UBA6: variants seen among roughly 807,000 people sequenced by gnomAD.
UBA6 encodes the protein ubiquitin like modifier activating enzyme 6.
UBA6 carries 87 observed loss-of-function variants against 148.3 expected under a neutral mutation model. The ratio of observed to expected loss-of-function variants is 0.59; its 90% CI spans 0.49 to 0.70. The LOEUF (loss-of-function observed/expected upper bound fraction) is 0.70. Ranked by LOEUF, UBA6 falls within the 30% of genes least tolerant of loss-of-function variation. The pLI is 0.00. For missense variants in UBA6, 1,186 were observed against 1,241.2 expected (o/e 0.96, Z 0.67); for synonymous variants, 376 against 401.0 (o/e 0.94, Z 0.75).
intron 30 of UBA6, 56 bp downstream of exon 30, chr4:67,624,070 G>C: frequency 7.1e-7 from 1 of 1,408,828 alleles, no homozygotes. Flanking sequence ...CCTTTTAAAA[G>C]GTAAAATATT....
At position 67,665,173 on chromosome 4, in the gene UBA6, A is replaced by G. The variant is rs866535541; in HGVS notation, c.897+16T>C. ...CTGTAAAAAAATGTTTTTTAAGCCGAAAAAAAAATACTTACAAAAAAAACT... is the reference window on the plus strand; with the variant it reads ...CTGTAAAAAAATGTTTTTTAAGCCGGAAAAAAAATACTTACAAAAAAAACT... On this transcript the variant is annotated intron_variant, in intron 10 of 32. Coordinates refer to ENST00000322244, the MANE Select transcript of UBA6 (RefSeq NM_018227.6). The G allele has an allele frequency of 2.7e-5, 38 of 1,392,138 alleles. No homozygotes were observed. The highest frequency in any genetic ancestry group is 3.8e-4 in the Middle Eastern group (2 of 5,240). The allele number at this position is 1,392,138 out of a possible 1,614,324, so 86.2% of individuals were successfully genotyped here.
At chr4:67,648,020 G>T (rs1459934202) in intron 14 of UBA6, among the ~76,000 whole-genome samples, 1 of 150,666 alleles carries the variant, frequency 6.6e-6, no homozygotes, top group Non-Finnish European at 1.5e-5. Context: ...TGATCTGCCC[G>T]CCTCGGCTGC....
chr4:67,684,709 G>A (rs1730517443), intron 2 of UBA6, among the ~76,000 whole-genome samples: 1 of 152,052 alleles, frequency 6.6e-6, no homozygotes, highest in Non-Finnish European at 1.5e-5. Flanking sequence ...TTTTTTGTCT[G>A]CTTGTTTTCT....
intron 23 of UBA6, among the ~76,000 whole-genome samples, chr4:67,632,295 T>C (rs1386246214): frequency 7.9e-6 from 1 of 127,308 alleles, no homozygotes; most frequent in Non-Finnish European, 1.8e-5. Context: ...CTTTGTATTT[T>C]TGAAATTGAT....
intron 28 of UBA6, among the ~76,000 whole-genome samples, chr4:67,625,920 T>C (rs1271596907): frequency 6.6e-6 from 1 of 151,962 alleles, no homozygotes; most frequent in Non-Finnish European, 1.5e-5. Context: ...TGAACCTAAT[T>C]ACTAAAGACT....
rs1729413298 is a variant in UBA6, at chr4:67,645,973, A to G, written c.1360T>C (p.Leu454=). The G allele has an allele frequency of 6.2e-7, 1 of 1,600,792 alleles. No individual in the cohort carries two copies. The highest frequency in any genetic ancestry group is 1.7e-5 in the Admixed American group (1 of 58,852). ...DALRACIGDT[L]CQKLQNLNIF... ...TTTAAATTTTGCAGTTTCTGACACA[A>G]AGTGTCTCCAATGCAAGCTCTTAAG... Residue 454 remains leucine (L), a synonymous_variant, in exon 16 of 33, where the codon TTG becomes CTG. Transcript: ENST00000322244.
chr4:67,698,983 C>CA (rs1169315538), intron 1 of UBA6, among the ~76,000 whole-genome samples: 2 of 151,622 alleles, frequency 1.3e-5, no homozygotes, highest in African/African-American at 2.4e-5. Context: ...CAAAACAAAA[C>CA]AAAAAAACCC....
chr4:67,684,206 A>C lies in UBA6; in HGVS notation c.135-1993T>G, dbSNP rs576892656. Among the ~76,000 whole-genome samples the C allele has an allele frequency of 1.4e-4, 21 of 152,326 alleles. No individual in the cohort carries two copies. In the South Asian group the frequency reaches 2.3e-3, roughly 17 times the overall value. The stretch of plus-strand genomic sequence containing the variant: ...TGGCTGTGCAGGCTTGGTCTTTAGA[A>C]GGGCATGCTTACAGGGCTGGCCCTT... On this transcript the variant is annotated intron_variant, in intron 2 of 32. Coordinates refer to ENST00000322244, the MANE Select transcript of UBA6 (RefSeq NM_018227.6).
chr4:67,622,896 C>T lies in UBA6; in HGVS notation c.2958G>A (p.Val986=). Residue 986 remains valine, a synonymous_variant, in exon 32 of 33, where the codon GTG becomes GTA. Transcript: ENST00000322244. ...KEKYGIEPTM[V]VQGVKMLYVP... ...CATAAAGCATTTTGACTCCCTGTAC[C>T]ACCATTGTTGGCTCAATTCCATACT... is the stretch of plus-strand genomic sequence containing the variant. The T allele has an allele frequency of 1.2e-6, 2 of 1,612,514 alleles. No individual in the cohort carries two copies. Among genetic ancestry groups the T allele is most frequent in the East Asian group, 4.5e-5 (2 of 44,810 alleles).
At chr4:67,645,468 A>C (rs1729400728) in intron 16 of UBA6, among the ~76,000 whole-genome samples, 1 of 152,044 alleles carries the variant, frequency 6.6e-6, no homozygotes, top group Admixed American at 6.6e-5. Flanking sequence ...GCGTGGTGGC[A>C]CGCCCCTGTA....
intron 11 of UBA6, 117 bp downstream of exon 11, chr4:67,663,768 T>G: frequency 1.2e-6 from 1 of 832,924 alleles, no homozygotes; most frequent in South Asian, 1.5e-5. Flanking sequence ...TATACTCACA[T>G]TATAAGGCCC....
intron 13 of UBA6, among the ~76,000 whole-genome samples, chr4:67,658,222 C>CTA (rs1256526509): frequency 2.6e-5 from 4 of 152,166 alleles, no homozygotes; most frequent in Non-Finnish European, 4.4e-5. Context: ...AATCATGCTA[C>CTA]TATAAAGACA....
At chr4:67,691,051 C>T (rs998792898) in intron 2 of UBA6, among the ~76,000 whole-genome samples, 2 of 152,030 alleles carry the variant, frequency 1.3e-5, no homozygotes, top group African/African-American at 2.4e-5. Context: ...GTCCCGTGAA[C>T]AACATGGGTT....
chr4:67,694,215 C>CAAAAAAAAAAAAAAAAA (rs769649769), intron 2 of UBA6, among the ~76,000 whole-genome samples: 4 of 41,872 alleles, frequency 9.6e-5, no homozygotes, highest in Non-Finnish European at 1.2e-4. Context: ...GACTCCATCT[C>CAAAAAAAAAAAAAAAAA]AAAAAAAAAA....
intron 27 of UBA6, among the ~76,000 whole-genome samples, chr4:67,626,913 G>A (rs775925614): frequency 2.0e-5 from 3 of 151,794 alleles, no homozygotes; most frequent in East Asian, 1.9e-4. Context: ...TACTTTAAAC[G>A]CATGTTGCTT....
intron 8 of UBA6, 125 bp downstream of exon 8, chr4:67,670,345 T>C (rs536728759): frequency 1.3e-6 from 1 of 744,454 alleles, no homozygotes; most frequent in African/African-American, 1.8e-5. Context: ...ATTCCCTCAT[T>C]ATCTTAAAAC....
intron 2 of UBA6, among the ~76,000 whole-genome samples, chr4:67,686,952 TAAAAAA>T (rs546442640): frequency 8.0e-4 from 46 of 57,156 alleles, no homozygotes; most frequent in African/African-American, 3.4e-3. Flanking sequence ...ATCCTGTCTC[TAAAAAA>T]AAAAAAAAAA....
Position 67,626,418 on chromosome 4 carries a change from A to G in UBA6, c.2460T>C (p.Asp820=), listed in dbSNP as rs1728869320. 1.9e-6 allele frequency: 3 copies of G among 1,611,576 alleles called. No individual in the cohort carries two copies. The highest frequency in any genetic ancestry group is 1.1e-5 in the South Asian group (1 of 90,966). ...KPDHVPISSE[D]ERNAIFQLEK... ...CTAGTTGGAAAATTGCATTCCTCTC[A>G]TCTTCACTGCTAATAGGAACATGGT... The change falls in exon 28 of 33, where the codon GAT becomes GAC. Residue 820 remains aspartate (D), a synonymous_variant. Transcript: ENST00000322244.
At chr4:67,627,632 G>A (rs1420018137) in intron 27 of UBA6, among the ~76,000 whole-genome samples, 1 of 151,152 alleles carries the variant, frequency 6.6e-6, no homozygotes, top group African/African-American at 2.4e-5. Context: ...TAGGCTATAA[G>A]TCATAAACAT....
Sources: allele counts gnomAD v4.1 joint callset (sites outside exome capture counted in the v4.1 genomes callset), GRCh38; gene constraint gnomAD v4.1.1; transcripts MANE v1.5; gene names NCBI Gene and HGNC (gene_info 2026-07-23, HGNC 2026-07-21).